Variants in ZNRF3 observed in about 807,000 individuals in gnomAD.
ZNRF3 encodes E3 ubiquitin-protein ligase ZNRF3.
ZNRF3 carries 23 observed loss-of-function variants against 72.5 expected under a neutral mutation model. The ratio of observed to expected loss-of-function variants is 0.32; its 90% confidence interval spans 0.23 to 0.45. The LOEUF is 0.45. ZNRF3 is among the 20% of genes least tolerant of loss of function. The pLI, the probability that ZNRF3 is intolerant of heterozygous loss-of-function variation, is 1.00. For missense variants in ZNRF3, 1,169 were observed against 1,272.1 expected, an observed-to-expected ratio of 0.92 and a Z score of 1.23; for synonymous variants, 610 against 545.3, an observed-to-expected ratio of 1.12 and a Z score of -1.65.
At chr22:29,023,246 A>G (rs1042994961) in intron 2 of ZNRF3, among the ~76,000 whole-genome samples, 1 of 152,208 alleles carries the variant, frequency 6.6e-6, no homozygotes, top group African/African-American at 2.4e-5. Context: ...TATAAAACTT[A>G]ATGGACTCTA....
At chr22:28,918,390 C>G (rs1314830722) in intron 1 of ZNRF3, among the ~76,000 whole-genome samples, 1 of 152,164 alleles carries the variant, frequency 6.6e-6, no homozygotes, top group Non-Finnish European at 1.5e-5. Flanking sequence ...GGTGACTGAG[C>G]CCCACAGCCT....
At chr22:28,948,697 A>AT (rs2035097779) in intron 1 of ZNRF3, among the ~76,000 whole-genome samples, 1 of 152,192 alleles carries the variant, frequency 6.6e-6, no homozygotes, top group Admixed American at 6.5e-5. Context: ...GATATTAGTA[A>AT]TTATGAGTAT....
chr22:28,904,135 A>G (rs1246520118), intron 1 of ZNRF3, among the ~76,000 whole-genome samples: 2 of 151,792 alleles, frequency 1.3e-5, no homozygotes, highest in African/African-American at 4.8e-5. Context: ...CCAGAAAACA[A>G]CTCCTAGTTA....
chr22:28,968,651 G>A lies in ZNRF3; in HGVS notation c.301-18425G>A, dbSNP rs573890945. ...TTGAACCCGGGAGGCGGAGGTTGCCGTGAGCTGAGATTGTACCATTGCACT... is the reference window on the plus strand; with the variant it reads ...TTGAACCCGGGAGGCGGAGGTTGCCATGAGCTGAGATTGTACCATTGCACT... On this transcript the variant is annotated intron_variant, in intron 1 of 8. Coordinates refer to ENST00000544604, the MANE Select transcript of ZNRF3 (RefSeq NM_001206998.2). Among the ~76,000 whole-genome samples the A allele has an allele frequency of 2.0e-5, 3 of 152,316 alleles. No homozygotes were observed. The South Asian group carries it at 6.2e-4, about 32-fold the overall frequency.
chr22:28,911,255 G>A (rs577464983), intron 1 of ZNRF3, among the ~76,000 whole-genome samples: 1 of 152,288 alleles, frequency 6.6e-6, no homozygotes, highest in South Asian at 2.1e-4. Context: ...AGGGATAAGA[G>A]GGGCTTTGAA....
intron 1 of ZNRF3, among the ~76,000 whole-genome samples, chr22:28,963,663 T>C (rs2035406908): frequency 6.6e-6 from 1 of 152,204 alleles, no homozygotes; most frequent in Admixed American, 6.5e-5. Flanking sequence ...TGAGCTGTGC[T>C]TTGGGCTCCT....
chr22:28,951,235 C>T (rs558614609), intron 1 of ZNRF3, among the ~76,000 whole-genome samples: 1 of 152,288 alleles, frequency 6.6e-6, no homozygotes, highest in South Asian at 2.1e-4. Flanking sequence ...TTGTGTCCCC[C>T]CAAATTTATA....
chr22:28,986,937 T>G, intron 1 of ZNRF3, 139 bp from the exon 2 acceptor site: 1 of 1,161,690 alleles, frequency 8.6e-7, no homozygotes, highest in East Asian at 2.6e-5. Context: ...AAATTCCCCT[T>G]GGGTTGAAAA....
chr22:28,943,632 A>T (rs897647009), intron 1 of ZNRF3, among the ~76,000 whole-genome samples: 1 of 151,986 alleles, frequency 6.6e-6, no homozygotes, highest in African/African-American at 2.4e-5. Flanking sequence ...TACTGAAGCT[A>T]CTTGATTTAC....
intron 1 of ZNRF3, among the ~76,000 whole-genome samples, chr22:28,977,313 A>G (rs775340774): frequency 2.9e-4 from 44 of 152,188 alleles, no homozygotes; most frequent in Non-Finnish European, 3.2e-4. Context: ...CTTCATTGCT[A>G]TGACAACAGG....
At chr22:28,902,625 C>T (rs977849462) in intron 1 of ZNRF3, among the ~76,000 whole-genome samples, 2 of 152,178 alleles carry the variant, frequency 1.3e-5, no homozygotes, top group Non-Finnish European at 2.9e-5. Flanking sequence ...GGAGAGGCTG[C>T]AGAGTGCTGA....
chr22:28,937,502 T>C (rs2034862029), intron 1 of ZNRF3, among the ~76,000 whole-genome samples: 1 of 152,178 alleles, frequency 6.6e-6, no homozygotes, highest in Non-Finnish European at 1.5e-5. Context: ...TTATTGTGAC[T>C]ATAAAAGTGG....
At chr22:28,884,408 C>G (rs1307406386) in intron 1 of ZNRF3, among the ~76,000 whole-genome samples, 1 of 152,236 alleles carries the variant, frequency 6.6e-6, no homozygotes, top group African/African-American at 2.4e-5. Flanking sequence ...TGAATGCCAA[C>G]TTTGAAAAGA....
chr22:29,013,688 C>T (rs1353679322), intron 2 of ZNRF3, among the ~76,000 whole-genome samples: 1 of 152,184 alleles, frequency 6.6e-6, no homozygotes, highest in Non-Finnish European at 1.5e-5. Flanking sequence ...GCACTTGTAC[C>T]TAATGAACAG....
intron 1 of ZNRF3, among the ~76,000 whole-genome samples, chr22:28,892,235 A>G (rs562106955): frequency 6.6e-6 from 1 of 152,350 alleles, no homozygotes; most frequent in East Asian, 1.9e-4. Flanking sequence ...GGGCAAGGCA[A>G]TGAACACAAG....
At chr22:28,993,461 G>A (rs1428279944) in intron 2 of ZNRF3, among the ~76,000 whole-genome samples, 1 of 152,174 alleles carries the variant, frequency 6.6e-6, no homozygotes, top group Non-Finnish European at 1.5e-5. Context: ...CGAGAGGTGG[G>A]TGGAAAATTG....
intron 1 of ZNRF3, among the ~76,000 whole-genome samples, chr22:28,981,411 G>C (rs534792284): frequency 2.6e-5 from 4 of 152,036 alleles, no homozygotes; most frequent in Admixed American, 2.0e-4. Context: ...GGCTGGTCTC[G>C]AACTCCTGGG....
chr22:29,032,045 C>T (rs965035354), intron 2 of ZNRF3, among the ~76,000 whole-genome samples: 6 of 152,208 alleles, frequency 3.9e-5, no homozygotes, highest in Non-Finnish European at 8.8e-5. Context: ...GCCAGAGCTT[C>T]GCACCAGGTG....
In ZNRF3 at chr22:28,923,975, G is replaced by A. The variant is rs373112649; in HGVS notation, c.300+39909G>A. Among the ~76,000 whole-genome samples, 15 of 152,366 alleles carry A rather than the reference G, an allele frequency of 9.8e-5. No homozygotes were observed. The East Asian group carries it at 1.2e-3, about 12-fold the overall frequency. On this transcript the variant is annotated intron_variant, in intron 1 of 8. Transcript: ENST00000544604. ...TGATGATCTCGGATCCCGCGTGGGCGCTGTGATGGTATCGGCTTTGCCCCG... is the reference window on the plus strand; with the variant it reads ...TGATGATCTCGGATCCCGCGTGGGCACTGTGATGGTATCGGCTTTGCCCCG...
Sources: allele counts gnomAD v4.1 joint callset (sites outside exome capture counted in the v4.1 genomes callset), GRCh38; gene constraint gnomAD v4.1.1; transcripts MANE v1.5; gene names NCBI Gene and HGNC (gene_info 2026-07-23, HGNC 2026-07-21).